Variants in CCDC191 observed in about 807,000 individuals in gnomAD.
CCDC191 encodes coiled-coil domain-containing protein 191.
A neutral mutation model predicts 114.0 loss-of-function variants in CCDC191; 99 were observed. The observed-to-expected ratio is 0.87, with a 90% CI of 0.74 to 1.03. CCDC191 has a LOEUF of 1.03. Among genes scored for constraint, CCDC191 ranks in the 50% least tolerant of loss-of-function variants. CCDC191 has a pLI of 0.00. For missense variants in CCDC191, 973 were observed against 1,087.0 expected (o/e 0.90, Z 1.47); for synonymous variants, 351 against 376.0 (o/e 0.93, Z 0.77).
chr3:114,015,097 C>T (rs1274080905), intron 8 of CCDC191, among the ~76,000 whole-genome samples: 1 of 152,050 alleles, frequency 6.6e-6, no homozygotes, highest in Non-Finnish European at 1.5e-5. Context: ...TGCCACAGTA[C>T]CCTCAAATCT....
At chr3:113,974,777 T>C (rs1051947145) in intron 16 of CCDC191, among the ~76,000 whole-genome samples, 2 of 152,206 alleles carry the variant, frequency 1.3e-5, no homozygotes, top group Non-Finnish European at 2.9e-5. Context: ...TTTGTTCTCC[T>C]GCTATGTGGC....
intron 6 of CCDC191, 66 bp downstream of exon 6, chr3:114,034,859 T>C: frequency 7.1e-7 from 1 of 1,406,724 alleles, no homozygotes; most frequent in Middle Eastern, 2.5e-4. Flanking sequence ...CTTCAAAAAC[T>C]TCAGAGCATT....
intron 13 of CCDC191, among the ~76,000 whole-genome samples, chr3:113,982,270 A>G (rs1177586254): frequency 1.3e-5 from 2 of 152,230 alleles, no homozygotes; most frequent in Admixed American, 6.5e-5. Context: ...AAAGAAAAAC[A>G]TGAGTTCTGC....
At chr3:114,051,675 C>T (rs1212710304) in intron 2 of CCDC191, among the ~76,000 whole-genome samples, 7 of 152,200 alleles carry the variant, frequency 4.6e-5, no homozygotes, top group Non-Finnish European at 1.0e-4. Flanking sequence ...TCAATTTTTA[C>T]TATACTCCAT....
At chr3:113,991,402 T>C (rs1397809189) in intron 13 of CCDC191, among the ~76,000 whole-genome samples, 3 of 152,124 alleles carry the variant, frequency 2.0e-5, no homozygotes, top group African/African-American at 7.2e-5. Context: ...CAATGTAGTT[T>C]ACCGTATTAG....
chr3:113,969,887 T>C lies in CCDC191; in HGVS notation c.2607-4528A>G, dbSNP rs537856334. ...ATTTTTTTTCTATTTCCGTGAAGAA[T>C]GTTGTTGGTATTTTGATAGAGATTG... On this transcript the variant is annotated intron_variant, in intron 16 of 16. Coordinates refer to ENST00000295878, the MANE Select transcript of CCDC191 (RefSeq NM_020817.2). Among the ~76,000 whole-genome samples, 8 of 152,284 alleles carry C rather than the reference T, an allele frequency of 5.3e-5. No individual in the cohort carries two copies. In the South Asian group the frequency reaches 1.7e-3, roughly 32 times the overall value.
intron 10 of CCDC191, 87 bp downstream of exon 10, chr3:114,005,421 G>A: frequency 1.6e-6 from 2 of 1,279,026 alleles, no homozygotes; most frequent in Non-Finnish European, 1.1e-6. Flanking sequence ...CAATCATGGG[G>A]CTCAGAAGCA....
chr3:114,023,600 T>C (rs1366375307), intron 7 of CCDC191, among the ~76,000 whole-genome samples: 1 of 152,184 alleles, frequency 6.6e-6, no homozygotes, highest in Non-Finnish European at 1.5e-5. Context: ...AAACAAGCAA[T>C]GGGGAAAGGA....
At chr3:114,018,477 C>T (rs1043005529) in intron 8 of CCDC191, among the ~76,000 whole-genome samples, 13 of 151,990 alleles carry the variant, frequency 8.6e-5, no homozygotes, top group African/African-American at 2.7e-4. Flanking sequence ...TCCCGGCTAG[C>T]ACATTTAAAT....
intron 6 of CCDC191, 26 bp from the exon 7 acceptor site, chr3:114,031,805 T>A: frequency 9.9e-7 from 1 of 1,008,350 alleles, no homozygotes; most frequent in Non-Finnish European, 1.5e-6. Context: ...TAAAAATACA[T>A]GTATATTTAC....
chr3:113,975,288 T>A (rs182828544), intron 16 of CCDC191, among the ~76,000 whole-genome samples: 5 of 152,214 alleles, frequency 3.3e-5, no homozygotes, highest in African/African-American at 9.7e-5. Context: ...TCTTTCTCGA[T>A]GTTATTGCAG....
chr3:113,968,693 C>T (rs569045108), intron 16 of CCDC191, among the ~76,000 whole-genome samples: 1 of 151,460 alleles, frequency 6.6e-6, no homozygotes, highest in South Asian at 2.1e-4. Flanking sequence ...CTCCTTGACT[C>T]AAACTATCCA....
At position 114,042,589 on chromosome 3, in the gene CCDC191, TA is replaced by T. The variant is rs199565133; in HGVS notation, c.415+113del. On this transcript the variant is annotated intron_variant, in intron 4 of 16. Coordinates refer to ENST00000295878, the MANE Select transcript of CCDC191 (RefSeq NM_020817.2). ...ATAAATTAAAACCAATAATAAAAAC[TA>T]AAAAAAACACAGAAAACTTAAATAT... 48 of 818,426 alleles carry T rather than the reference TA, an allele frequency of 5.9e-5. No individual in the cohort carries two copies. In the Admixed American group the frequency reaches 6.1e-4, roughly 10 times the overall value. The allele number at this position is 818,426 out of a possible 1,614,324, so 50.7% of individuals were successfully genotyped here.
chr3:114,055,598 C>T (rs2076761870), intron 1 of CCDC191, among the ~76,000 whole-genome samples: 1 of 152,240 alleles, frequency 6.6e-6, no homozygotes, highest in South Asian at 2.1e-4. Context: ...GTGAAAACAG[C>T]TGGTGAAACT....
intron 5 of CCDC191, among the ~76,000 whole-genome samples, chr3:114,036,006 C>T (rs2076477794): frequency 6.6e-6 from 1 of 152,124 alleles, no homozygotes; most frequent in African/African-American, 2.4e-5. Context: ...CACACATGTA[C>T]AGATATTAAT....
chr3:114,047,770 T>C (rs551809100), intron 2 of CCDC191, among the ~76,000 whole-genome samples: 1 of 150,678 alleles, frequency 6.6e-6, no homozygotes, highest in African/African-American at 2.4e-5. Context: ...AGGTCGGGAG[T>C]TCAAGACCAG....
At chr3:113,974,104 C>T (rs1181140601) in intron 16 of CCDC191, among the ~76,000 whole-genome samples, 1 of 151,778 alleles carries the variant, frequency 6.6e-6, no homozygotes, top group Non-Finnish European at 1.5e-5. Flanking sequence ...AAATATATTT[C>T]TCAGTTCCAA....
At chr3:113,997,075 C>T (rs534118863) in intron 13 of CCDC191, among the ~76,000 whole-genome samples, 3 of 152,110 alleles carry the variant, frequency 2.0e-5, no homozygotes, top group Non-Finnish European at 4.4e-5. Flanking sequence ...TACATTAACA[C>T]TGTACTGTAT....
chr3:113,978,065 CT>C, intron 16 of CCDC191, 120 bp downstream of exon 16: 4 of 1,070,234 alleles, frequency 3.7e-6, no homozygotes, highest in Non-Finnish European at 5.5e-6. Context: ...CCACCCCTGA[CT>C]GGTGTTTCCC....
Sources: gnomAD v4.1 joint callset for allele counts (sites outside exome capture counted in the v4.1 genomes callset) on GRCh38, gnomAD v4.1.1 for gene constraint, MANE v1.5 for transcripts, NCBI Gene and HGNC (gene_info 2026-07-23, HGNC 2026-07-21) for gene names.